Variants in SOS2 observed in about 807,000 individuals in gnomAD.
The protein encoded by SOS2 is SOS Ras/Rho guanine nucleotide exchange factor 2.
A neutral mutation model predicts 148.2 loss-of-function variants in SOS2; 65 were observed. The observed-to-expected ratio is 0.44, with a 90% CI of 0.36 to 0.54. The LOEUF is 0.54. Among genes scored for constraint, SOS2 ranks in the 20% least tolerant of loss-of-function variants. The probability of loss-of-function intolerance (pLI) is 0.00; values close to 1 mark genes in which losing one functional copy is unlikely to be tolerated. For synonymous variants in SOS2, 539 were observed against 537.1 expected (o/e 1.00, Z -0.05); for missense variants, 1,341 against 1,590.2 (o/e 0.84, Z 2.67).
intron 18 of SOS2, among the ~76,000 whole-genome samples, chr14:50,135,089 AAAAG>A (rs536084984): frequency 0.12 from 15,885 of 127,282 alleles, 1,521 homozygotes; most frequent in East Asian, 0.31. Context: ...AAAAAAAAAA[AAAAG>A]AAAGAAAGAA....
At chr14:50,200,849 A>T in intron 3 of SOS2, 104 bp downstream of exon 3, 1 of 994,634 alleles carries the variant, frequency 1.0e-6, no homozygotes. Context: ...GTGCACATAT[A>T]CACACTAACA....
At chr14:50,219,037 C>T (rs566972841) in intron 1 of SOS2, among the ~76,000 whole-genome samples, 226 of 151,628 alleles carry the variant, frequency 1.5e-3, no homozygotes, top group African/African-American at 4.3e-3. Flanking sequence ...CACTTGAACC[C>T]GGGAAGCGGA....
Position 50,231,088 on chromosome 14 carries a change from A to G in SOS2, c.87+109T>C, listed in dbSNP as rs550024223. ...AGCCCCCCATTGCCAGCCAACGAGA[A>G]ACGGCTCGGCCCCGGGGACTCGAGC... On this transcript the variant is annotated intron_variant, in intron 1 of 22. Coordinates refer to ENST00000216373, the MANE Select transcript of SOS2 (RefSeq NM_006939.4). The G allele has an allele frequency of 4.0e-5, 25 of 631,296 alleles. 1 individual carries two copies. In the South Asian group the frequency reaches 1.7e-3, roughly 43 times the overall value. The allele number at this position is 631,296 out of a possible 1,614,324, so 39.1% of individuals were successfully genotyped here.
intron 1 of SOS2, among the ~76,000 whole-genome samples, chr14:50,217,377 GATATAA>G (rs1887066217): frequency 6.6e-6 from 1 of 152,172 alleles, no homozygotes; most frequent in African/African-American, 2.4e-5. Context: ...ATGAGTCATA[GATATAA>G]ATATAAAATT....
chr14:50,145,469 A>T lies in SOS2; in HGVS notation c.2504+8T>A. The T allele has an allele frequency of 6.3e-7, 1 of 1,595,660 alleles. No homozygotes were observed. On this transcript the variant is annotated splice_region_variant and intron_variant, in intron 15 of 22. Coordinates refer to ENST00000216373, the MANE Select transcript of SOS2 (RefSeq NM_006939.4). ...ATTAGGAGGTAGTAAGAGTAAATTA[A>T]AACTTACTTTTCAAACCAGAGGGTG... is the stretch of plus-strand genomic sequence containing the variant.
At chr14:50,191,105 T>G (rs1040967004) in intron 4 of SOS2, among the ~76,000 whole-genome samples, 1 of 152,118 alleles carries the variant, frequency 6.6e-6, no homozygotes, top group African/African-American at 2.4e-5. Context: ...ATGGTGTGTT[T>G]TAGTCTTCCT....
At chr14:50,153,789 T>C (rs1884734430) in intron 12 of SOS2, among the ~76,000 whole-genome samples, 1 of 152,198 alleles carries the variant, frequency 6.6e-6, no homozygotes, top group Admixed American at 6.5e-5. Flanking sequence ...ATTTTTGTAC[T>C]TTTAGTAGAG....
chr14:50,200,320 T>C (rs529442717), intron 3 of SOS2, among the ~76,000 whole-genome samples: 1 of 152,206 alleles, frequency 6.6e-6, no homozygotes, highest in South Asian at 2.1e-4. Context: ...AAAATCCATA[T>C]ACACCAAACA....
chr14:50,188,717 A>T lies in SOS2; in HGVS notation c.511-17T>A. The T allele has an allele frequency of 6.6e-7, 1 of 1,506,560 alleles. No homozygotes were observed. The highest frequency in any genetic ancestry group is 2.3e-5 in the East Asian group (1 of 43,300). 93.3% of individuals were successfully genotyped at this position (1,506,560 alleles called of 1,614,324 possible). A position where few individuals can be genotyped will look rare whatever the true frequency, so the allele number is the denominator to read the frequency against. On this transcript the variant is annotated splice_polypyrimidine_tract_variant and intron_variant, in intron 4 of 22. Transcript: ENST00000216373. ...CATCAAAACCTGAGAAACAGAAATC[A>T]ATAATGTATAAATTTATTTTCTTTA...
At chr14:50,215,530 C>T (rs1379352350) in intron 1 of SOS2, 1 of 1,188,540 alleles carries the variant, frequency 8.4e-7, no homozygotes, top group African/African-American at 1.6e-5. Context: ...AAAATAATTT[C>T]CAGTCTTTAA....
chr14:50,128,257 G>A (rs1883746755), intron 21 of SOS2, among the ~76,000 whole-genome samples: 1 of 152,054 alleles, frequency 6.6e-6, no homozygotes, highest in Non-Finnish European at 1.5e-5. Context: ...AACTGGAACG[G>A]GGGACAAAAA....
chr14:50,163,332 G>C (rs1303102729), intron 8 of SOS2, among the ~76,000 whole-genome samples: 2 of 151,936 alleles, frequency 1.3e-5, no homozygotes, highest in Non-Finnish European at 2.9e-5. Context: ...TATATTCCAA[G>C]AGCAATCTCA....
Position 50,128,856 on chromosome 14 carries a change from G to A in SOS2, c.3379+1105C>T, listed in dbSNP as rs978001056. Among the ~76,000 whole-genome samples, 6 of 152,222 alleles carry A rather than the reference G, an allele frequency of 3.9e-5. No individual in the cohort carries two copies. In the East Asian group the frequency reaches 1.2e-3, roughly 29 times the overall value. On this transcript the variant is annotated intron_variant, in intron 21 of 22. Transcript: ENST00000216373. Reference sequence around the variant, plus strand: ...AACTGCTATGTTGCCCTGACCTCAAGTGATACTCCTGCCTCAGCCTCCCAA... The same window carrying A: ...AACTGCTATGTTGCCCTGACCTCAAATGATACTCCTGCCTCAGCCTCCCAA...
intron 4 of SOS2, among the ~76,000 whole-genome samples, chr14:50,190,005 T>G (rs953351934): frequency 6.6e-6 from 1 of 151,772 alleles, no homozygotes; most frequent in South Asian, 2.1e-4. Context: ...CACGCCACCA[T>G]GCCTGGCTAA....
chr14:50,130,714 T>C lies in SOS2; in HGVS notation c.3124A>G (p.Thr1042Ala). The C allele has an allele frequency of 6.2e-7, 1 of 1,613,618 alleles. No individual in the cohort carries two copies. Reference protein sequence around the residue: ...SLKSPGIRPNTGRHGSTSGTL... With the variant: ...SLKSPGIRPNAGRHGSTSGTL... Reference sequence around the variant, plus strand: ...CCTGAGGTAGAGCCATGTCGGCCTGTGTTAGGCCTTATTCCAGGAGATTTT... The same window carrying C: ...CCTGAGGTAGAGCCATGTCGGCCTGCGTTAGGCCTTATTCCAGGAGATTTT... Residue 1042 changes from threonine to alanine, a missense_variant, in exon 20 of 23, where the codon ACA becomes GCA. By Grantham distance (58) the Thr-to-Ala change is moderately conservative (BLOSUM62 0). Transcript: ENST00000216373.
intron 6 of SOS2, among the ~76,000 whole-genome samples, chr14:50,181,568 T>C (rs1885740428): frequency 6.6e-6 from 1 of 151,722 alleles, no homozygotes; most frequent in African/African-American, 2.4e-5. Flanking sequence ...ATAGTTAAAA[T>C]ATGTTATGGT....
intron 2 of SOS2, among the ~76,000 whole-genome samples, chr14:50,203,758 G>A (rs1241425579): frequency 5.3e-5 from 8 of 150,814 alleles, no homozygotes; most frequent in African/African-American, 2.0e-4. Context: ...GCTTATGTCT[G>A]TGTAACCATC....
chr14:50,231,179 C>A lies in SOS2; in HGVS notation c.87+18G>T. The A allele has an allele frequency of 1.4e-6, 2 of 1,391,384 alleles. No individual in the cohort carries two copies. Among genetic ancestry groups the A allele is most frequent in the Non-Finnish European group, 1.9e-6 (2 of 1,047,068 alleles). 86.2% of individuals were successfully genotyped at this position (1,391,384 alleles called of 1,614,324 possible). A position where few individuals can be genotyped will look rare whatever the true frequency, so the allele number is the denominator to read the frequency against. Reference sequence around the variant, plus strand: ...GGGCCACGGGCCACCCGCCGGCCGCCCCGCCCCTAGCACTGACCTTCCGCA... The same window carrying A: ...GGGCCACGGGCCACCCGCCGGCCGCACCGCCCCTAGCACTGACCTTCCGCA... On this transcript the variant is annotated intron_variant, in intron 1 of 22. Transcript: ENST00000216373.
chr14:50,228,043 A>T, intron 1 of SOS2, among the ~76,000 whole-genome samples: 1 of 142,554 alleles, frequency 7.0e-6, no homozygotes, highest in East Asian at 2.1e-4. Context: ...GATGCAAGTA[A>T]TTTTTTTTTT....
Sources: gnomAD v4.1 joint callset for allele counts (sites outside exome capture counted in the v4.1 genomes callset) on GRCh38, gnomAD v4.1.1 for gene constraint, MANE v1.5 for transcripts, NCBI Gene and HGNC (gene_info 2026-07-23, HGNC 2026-07-21) for gene names.